CTDSPL: variants seen among roughly 807,000 people sequenced by gnomAD.
CTDSPL encodes CTD small phosphatase-like protein.
A neutral mutation model predicts 30.5 loss-of-function variants in CTDSPL; 8 were observed. The ratio of observed to expected loss-of-function variants is 0.26; its 90% CI spans 0.15 to 0.47. The LOEUF (loss-of-function observed/expected upper bound fraction) is 0.47, where lower values mean the gene tolerates loss of function less well. CTDSPL is among the 20% of genes least tolerant of loss of function. CTDSPL has a pLI of 0.99. For missense variants in CTDSPL, 248 were observed against 366.1 expected (o/e 0.68, Z 2.63); for synonymous variants, 110 against 137.9 (o/e 0.80, Z 1.42).
chr3:37,901,737 G>A (rs1389639375), intron 1 of CTDSPL, among the ~76,000 whole-genome samples: 41 of 152,140 alleles, frequency 2.7e-4, no homozygotes, highest in Non-Finnish European at 5.4e-4. Flanking sequence ...TAGATCTGCA[G>A]CTCTGCCATT....
At chr3:37,950,492 A>G (rs1395316528) in intron 2 of CTDSPL, among the ~76,000 whole-genome samples, 1 of 152,270 alleles carries the variant, frequency 6.6e-6, no homozygotes, top group African/African-American at 2.4e-5. Flanking sequence ...TTCAGTAAAC[A>G]GGAGAATGGT....
chr3:37,933,157 G>GAAA (rs57356731), intron 1 of CTDSPL, among the ~76,000 whole-genome samples: 4 of 61,604 alleles, frequency 6.5e-5, no homozygotes, highest in Admixed American at 1.8e-4. Flanking sequence ...TCTGTCTCAA[G>GAAA]AAAAAAAAAA....
chr3:37,958,746 G>A (rs989245585), intron 3 of CTDSPL, among the ~76,000 whole-genome samples: 1 of 152,162 alleles, frequency 6.6e-6, no homozygotes, highest in Non-Finnish European at 1.5e-5. Flanking sequence ...TGAGATGTTG[G>A]GTCAGGCCAT....
At chr3:37,895,582 A>G (rs1320369768) in intron 1 of CTDSPL, among the ~76,000 whole-genome samples, 1 of 152,224 alleles carries the variant, frequency 6.6e-6, no homozygotes, top group Non-Finnish European at 1.5e-5. Flanking sequence ...TGAAAAACAT[A>G]TCTAGATCTT....
intron 1 of CTDSPL, among the ~76,000 whole-genome samples, chr3:37,943,505 T>C (rs1395955169): frequency 6.7e-6 from 1 of 150,368 alleles, no homozygotes; most frequent in Non-Finnish European, 1.5e-5. Flanking sequence ...GACTCCTTCC[T>C]CCTAAGTCTG....
chr3:37,931,814 T>A (rs996232750), intron 1 of CTDSPL, among the ~76,000 whole-genome samples: 1 of 152,150 alleles, frequency 6.6e-6, no homozygotes, highest in African/African-American at 2.4e-5. Context: ...TTTTTTACTT[T>A]TTCATTTTAA....
chr3:37,922,433 T>A (rs963883069), intron 1 of CTDSPL, among the ~76,000 whole-genome samples: 1 of 152,080 alleles, frequency 6.6e-6, no homozygotes, highest in Non-Finnish European at 1.5e-5. Flanking sequence ...AGGCCCCCAA[T>A]TGAGGGACAG....
chr3:37,895,236 A>G (rs1006658653), intron 1 of CTDSPL, among the ~76,000 whole-genome samples: 10 of 152,138 alleles, frequency 6.6e-5, no homozygotes, highest in African/African-American at 2.2e-4. Context: ...GCCATTGCCA[A>G]CATTCAGCTT....
intron 1 of CTDSPL, among the ~76,000 whole-genome samples, chr3:37,873,065 A>G (rs1698094724): frequency 6.6e-6 from 1 of 152,220 alleles, no homozygotes; most frequent in Non-Finnish European, 1.5e-5. Context: ...TAGAAGTCCA[A>G]GGTGGCCATG....
chr3:37,891,909 C>CAT (rs764886218), intron 1 of CTDSPL, among the ~76,000 whole-genome samples: 1 of 138,508 alleles, frequency 7.2e-6, no homozygotes, highest in Non-Finnish European at 1.6e-5. Context: ...CATGTACACA[C>CAT]ATATATATGT....
chr3:37,915,445 C>G (rs1402498307), intron 1 of CTDSPL, among the ~76,000 whole-genome samples: 1 of 152,102 alleles, frequency 6.6e-6, no homozygotes, highest in Non-Finnish European at 1.5e-5. Context: ...GCTCACTACT[C>G]CTTTATCTTT....
At chr3:37,878,134 G>A (rs1353656857) in intron 1 of CTDSPL, among the ~76,000 whole-genome samples, 1 of 152,092 alleles carries the variant, frequency 6.6e-6, no homozygotes, top group Non-Finnish European at 1.5e-5. Flanking sequence ...TTTTATAGTA[G>A]CCATTCTCAT....
intron 1 of CTDSPL, chr3:37,911,721 A>G (rs1189764946): frequency 2.2e-5 from 10 of 456,484 alleles, no homozygotes; most frequent in Non-Finnish European, 4.4e-5. Flanking sequence ...AGAATCAGAA[A>G]GTTGTCTACA....
In CTDSPL at chr3:37,963,498, G is replaced by A. The variant is rs116314491; in HGVS notation, c.268-1073G>A. Among the ~76,000 whole-genome samples, 614 of 152,086 alleles carry A rather than the reference G, an allele frequency of 4.0e-3. 4 individuals are homozygous for A. Among genetic ancestry groups the A allele is most frequent in the African/African-American group, 0.014 (578 of 41,488 alleles). On this transcript the variant is annotated intron_variant, in intron 3 of 7. Transcript: ENST00000273179. ...TGAACTAAATTGTCCATTCTTCAGGGGCTCAGAATAGATATTTCCTTTTGT... is the reference window on the plus strand; with the variant it reads ...TGAACTAAATTGTCCATTCTTCAGGAGCTCAGAATAGATATTTCCTTTTGT...
chr3:37,948,723 C>G (rs982945010), intron 2 of CTDSPL, among the ~76,000 whole-genome samples: 33 of 149,786 alleles, frequency 2.2e-4, no homozygotes, highest in Admixed American at 2.1e-3. Context: ...AAAAATGTTG[C>G]ACATATAAAT....
chr3:37,971,357 T>G, intron 5 of CTDSPL, 50 bp from the exon 6 acceptor site: 1 of 1,557,030 alleles, frequency 6.4e-7, no homozygotes, highest in Non-Finnish European at 8.8e-7. Flanking sequence ...CCCCAGGCCA[T>G]CCCCAGCAAC....
intron 1 of CTDSPL, among the ~76,000 whole-genome samples, chr3:37,885,722 G>A (rs1321861251): frequency 6.6e-6 from 1 of 152,158 alleles, no homozygotes; most frequent in African/African-American, 2.4e-5. Flanking sequence ...CAAGGGGTCT[G>A]GGGTACAGGT....
In CTDSPL at chr3:37,939,574, A is replaced by G. The variant is rs759859888; in HGVS notation, c.80-7483A>G. ...CTAAGACAGTGACATTCATGGTACAAATCTGATCCCGTCACTCCCCTTTTC... is the reference window on the plus strand; with the variant it reads ...CTAAGACAGTGACATTCATGGTACAGATCTGATCCCGTCACTCCCCTTTTC... On this transcript the variant is annotated intron_variant, in intron 1 of 7. Transcript: ENST00000273179. Among the ~76,000 whole-genome samples the G allele has an allele frequency of 2.7e-5, 4 of 150,270 alleles. 1 individual carries two copies. The highest frequency in any genetic ancestry group is 4.5e-5 in the Non-Finnish European group (3 of 67,062).
chr3:37,933,878 C>T (rs892543618), intron 1 of CTDSPL, among the ~76,000 whole-genome samples: 1 of 152,164 alleles, frequency 6.6e-6, no homozygotes, highest in Non-Finnish European at 1.5e-5. Context: ...TGACCAGTCT[C>T]ATATTGATGG....
Sources: allele counts gnomAD v4.1 joint callset (sites outside exome capture counted in the v4.1 genomes callset), GRCh38; gene constraint gnomAD v4.1.1; transcripts MANE v1.5; gene names NCBI Gene and HGNC (gene_info 2026-07-23, HGNC 2026-07-21).